Variants in PTGER3 observed in about 807,000 individuals in gnomAD.
PTGER3 encodes prostaglandin E receptor 3.
A neutral mutation model predicts 34.7 loss-of-function variants in PTGER3; 22 were observed. The observed-to-expected ratio is 0.63, with a 90% CI of 0.45 to 0.91. PTGER3 has a LOEUF of 0.91. Among genes scored for constraint, PTGER3 ranks in the 40% least tolerant of loss-of-function variants. PTGER3 has a pLI of 0.00. For synonymous variants in PTGER3, 241 were observed against 230.1 expected, an observed-to-expected ratio of 1.05 and a Z score of -0.43; for missense variants, 468 against 519.4, an observed-to-expected ratio of 0.90 and a Z score of 0.96.
At chr1:70,898,074 G>T (rs752189800) in intron 4 of PTGER3, among the ~76,000 whole-genome samples, 102 of 152,140 alleles carry the variant, frequency 6.7e-4, no homozygotes, top group Non-Finnish European at 1.3e-3. Flanking sequence ...TACCTTAATA[G>T]TGTGTATTTA....
chr1:71,032,356 C>T (rs1290213815), intron 1 of PTGER3, among the ~76,000 whole-genome samples: 1 of 152,176 alleles, frequency 6.6e-6, no homozygotes, highest in African/African-American at 2.4e-5. Flanking sequence ...ACTTTGTCAT[C>T]TATGACTGTT....
chr1:71,031,825 G>A (rs998611631), intron 1 of PTGER3, among the ~76,000 whole-genome samples: 8 of 152,138 alleles, frequency 5.3e-5, no homozygotes, highest in African/African-American at 1.4e-4. Flanking sequence ...CTAAGGAGGA[G>A]GGTAGAATTC....
intron 4 of PTGER3, among the ~76,000 whole-genome samples, chr1:70,856,129 T>C (rs1197127519): frequency 6.6e-6 from 1 of 152,112 alleles, no homozygotes; most frequent in Non-Finnish European, 1.5e-5. Flanking sequence ...CTTGTAGACT[T>C]CCAAGGTGTC....
At chr1:70,873,514 G>A (rs889181015) in intron 4 of PTGER3, among the ~76,000 whole-genome samples, 4 of 152,004 alleles carry the variant, frequency 2.6e-5, no homozygotes, top group African/African-American at 4.8e-5. Flanking sequence ...TTCTTACAAC[G>A]TATTTTCTAG....
At chr1:71,045,319 C>T (rs1218498728) in intron 1 of PTGER3, among the ~76,000 whole-genome samples, 2 of 152,072 alleles carry the variant, frequency 1.3e-5, no homozygotes, top group Non-Finnish European at 2.9e-5. Context: ...GAACTGTACA[C>T]ATAATAATGG....
chr1:70,919,501 T>C (rs761738008), intron 4 of PTGER3, among the ~76,000 whole-genome samples: 13 of 152,114 alleles, frequency 8.5e-5, no homozygotes, highest in Non-Finnish European at 1.6e-4. Flanking sequence ...TAAAGAAAAC[T>C]CCATTTAGAT....
intron 2 of PTGER3, among the ~76,000 whole-genome samples, chr1:70,958,666 A>G (rs1651607166): frequency 6.6e-6 from 1 of 152,108 alleles, no homozygotes; most frequent in African/African-American, 2.4e-5. Context: ...TGCTGTACAG[A>G]AGCTTTTTAG....
chr1:70,974,338 G>T lies in PTGER3; in HGVS notation c.1128C>A (p.Cys376Ter). ...TCCACATCAAGGTTGAGGAACACTG[G>T]CAGGGTAAGGAGGTGGAGCTGGATG... ...NYASSSTSLP[C>*]QCSSTLMWSD... The change falls in exon 3 of 4, where the codon TGC (cysteine) becomes TGA (stop). Residue 376 changes from cysteine (C) to a stop codon, truncating the protein, a stop_gained. Coordinates refer to ENST00000306666, the MANE Select transcript of PTGER3 (RefSeq NM_198719.2). LOFTEE classifies it high-confidence loss of function. 2.7e-6 allele frequency: 4 copies of T among 1,460,638 alleles called. No homozygotes were observed. The highest frequency in any genetic ancestry group is 3.8e-6 in the Non-Finnish European group (4 of 1,040,454). 90.5% of individuals were successfully genotyped at this position (1,460,638 alleles called of 1,614,324 possible).
intron 2 of PTGER3, among the ~76,000 whole-genome samples, chr1:70,956,893 G>C (rs1651399394): frequency 6.6e-6 from 1 of 152,150 alleles, no homozygotes; most frequent in African/African-American, 2.4e-5. Context: ...TACTTGGGAG[G>C]TTGAGGCAGG....
downstream of PTGER3, among the ~76,000 whole-genome samples, chr1:70,966,039 A>G (rs2100652140): frequency 6.6e-6 from 1 of 152,324 alleles, no homozygotes; most frequent in South Asian, 2.1e-4. Context: ...TTATCTGGAA[A>G]TAAACTGAAA....
At chr1:70,940,522 T>G (rs1649658054) in intron 4 of PTGER3, among the ~76,000 whole-genome samples, 3 of 152,172 alleles carry the variant, frequency 2.0e-5, no homozygotes, top group African/African-American at 7.2e-5. Flanking sequence ...GAGGTTTAAT[T>G]TGACTTACAG....
intron 2 of PTGER3, among the ~76,000 whole-genome samples, chr1:71,004,971 A>G (rs534607826): frequency 9.8e-5 from 15 of 152,364 alleles, no homozygotes; most frequent in African/African-American, 3.6e-4. Flanking sequence ...CCTTGGGTAC[A>G]TAGCACCTGT....
chr1:71,047,068 C>T lies in PTGER3; in HGVS notation c.510G>A (p.Lys170=). The change falls in exon 1 of 4, where the codon AAG becomes AAA. Residue 170 remains lysine, a synonymous_variant. Coordinates refer to ENST00000306666, the MANE Select transcript of PTGER3 (RefSeq NM_198719.2). ...GCAGCACAGCGCGGGTGGCACGCGT[C>T]TTCATGTGGCTCGCATACCAGTGCG... ...RAPHWYASHM[K]TRATRAVLLG... 6.2e-7 allele frequency: 1 copy of T among 1,611,624 alleles called. No homozygotes were observed.
At chr1:70,937,419 A>C (rs527242151) in intron 4 of PTGER3, among the ~76,000 whole-genome samples, 2 of 152,346 alleles carry the variant, frequency 1.3e-5, no homozygotes, top group Admixed American at 1.3e-4. Flanking sequence ...TTGGATGTGC[A>C]GGTGGGAGGT....
chr1:71,011,428 A>G (rs958326369), intron 2 of PTGER3: 1 of 985,204 alleles, frequency 1.0e-6, no homozygotes, highest in African/African-American at 1.7e-5. Context: ...ACCTATAGTT[A>G]GTGCTCAAAT....
rs1241783909 is a variant in PTGER3 at position 71,010,773 on chromosome 1, C to T, written c.1077+1532G>A. On this transcript the variant is annotated intron_variant, in intron 2 of 3. Coordinates refer to ENST00000306666, the MANE Select transcript of PTGER3 (RefSeq NM_198719.2). ...CATAAGCACTCTCAACAGATTTTGT[C>T]TCCAAATTCAATTTGACATGGTCAT... 3.0e-6 allele frequency: 3 copies of T among 985,058 alleles called. No individual in the cohort carries two copies. The East Asian group carries it at 3.4e-4, about 112-fold the overall frequency. 61.0% of individuals were successfully genotyped at this position (985,058 alleles called of 1,614,324 possible).
intron 2 of PTGER3, among the ~76,000 whole-genome samples, chr1:70,980,582 G>A (rs966722787): frequency 1.3e-5 from 2 of 152,070 alleles, no homozygotes; most frequent in African/African-American, 2.4e-5. Context: ...AGGAATCTGA[G>A]CCATGATGGC....
At position 70,971,460 on chromosome 1, in the gene PTGER3, C is replaced by T. The variant is rs1653070779; in HGVS notation, c.*270G>A. 1.7e-6 allele frequency: 2 copies of T among 1,146,724 alleles called. No individual in the cohort carries two copies. Among genetic ancestry groups the T allele is most frequent in the Admixed American group, 9.5e-5 (2 of 21,110 alleles). The allele number at this position is 1,146,724 out of a possible 1,614,324, so 71.0% of individuals were successfully genotyped here. A position where few individuals can be genotyped will look rare whatever the true frequency, so the allele number is the denominator to read the frequency against. ...ACAGGTCTTTCTTTTCATCACTTTT[C>T]CTCCAATCATCATCTGTGAAATTCT... On this transcript the variant is annotated 3_prime_UTR_variant, in exon 4 of 4. Transcript: ENST00000306666.
At chr1:70,905,839 G>A (rs1257946916) in intron 4 of PTGER3, among the ~76,000 whole-genome samples, 1 of 152,128 alleles carries the variant, frequency 6.6e-6, no homozygotes, top group Non-Finnish European at 1.5e-5. Context: ...TTTGAAATGT[G>A]AGAACAAGAG....
Sources: gnomAD v4.1 joint callset for allele counts (sites outside exome capture counted in the v4.1 genomes callset) on GRCh38, gnomAD v4.1.1 for gene constraint, MANE v1.5 for transcripts, NCBI Gene and HGNC (gene_info 2026-07-23, HGNC 2026-07-21) for gene names.